SMCO2: variants seen among roughly 807,000 people sequenced by gnomAD.
SMCO2 encodes the protein single-pass membrane and coiled-coil domain-containing protein 2.
SMCO2 carries 25 observed loss-of-function variants against 29.5 expected under a neutral mutation model. That is an observed-to-expected ratio of 0.85 (90% CI 0.62 to 1.18). SMCO2 has a LOEUF of 1.18. Among genes scored for constraint, SMCO2 ranks in the 50% most tolerant of loss-of-function variants. The pLI, the probability that SMCO2 is intolerant of heterozygous loss-of-function variation, is 0.00. For missense variants in SMCO2, 348 were observed against 344.5 expected (o/e 1.01, Z -0.08); for synonymous variants, 117 against 123.3 (o/e 0.95, Z 0.34).
chr12:27,435,298 CCCCCG>C, the SMCO2 span, among the ~76,000 whole-genome samples: 108 of 17,708 alleles, frequency 6.1e-3, 33 homozygotes, highest in Non-Finnish European at 0.021. Flanking sequence ...CCCCCCCCCC[CCCCCG>C]GCAATTGTGA....
rs149233639 is a variant in SMCO2, at chr12:27,481,794, G to A, written c.363-6666G>A. Among the ~76,000 whole-genome samples the A allele has an allele frequency of 2.7e-3, 408 of 152,172 alleles. 1 individual carries two copies. The highest frequency in any genetic ancestry group is 9.2e-3 in the African/African-American group (381 of 41,520). On this transcript the variant is annotated intron_variant, in intron 4 of 7. Coordinates refer to ENST00000298876, the Ensembl canonical transcript of SMCO2. ...CAAAGATATTGACATAAAGTTATCC[G>A]TAACATTCCCTTATTATATGATGTC...
the SMCO2 span, among the ~76,000 whole-genome samples, chr12:27,445,810 A>C: frequency 3.3e-5 from 5 of 152,214 alleles, no homozygotes; most frequent in African/African-American, 1.2e-4. Context: ...ATAGAAGTCC[A>C]AGATCAAGTG....
In SMCO2 at chr12:27,475,750, G is replaced by A. The variant is rs1272157106; in HGVS notation, c.362+837G>A. On this transcript the variant is annotated intron_variant, in intron 4 of 7. Coordinates refer to ENST00000298876, the Ensembl canonical transcript of SMCO2. ...TGAAGAGGTAATTGTAGGGTGTTGG[G>A]GTTGGTCATAAAATAGCAGAAAGTT... 8.8e-6 allele frequency: 13 copies of A among 1,481,022 alleles called. No homozygotes were observed. Among genetic ancestry groups the A allele is most frequent in the Non-Finnish European group, 1.2e-5 (13 of 1,119,196 alleles). 91.7% of individuals were successfully genotyped at this position (1,481,022 alleles called of 1,614,324 possible). A position where few individuals can be genotyped will look rare whatever the true frequency, so the allele number is the denominator to read the frequency against.
intron 4 of SMCO2, among the ~76,000 whole-genome samples, chr12:27,477,210 G>GTTTTTTTT (rs770789669): frequency 9.6e-5 from 6 of 62,640 alleles, no homozygotes; most frequent in Admixed American, 1.8e-4. Context: ...TGGCTGTCAG[G>GTTTTTTTT]TTTTTTTTTT....
At chr12:27,463,014 C>T (rs1457051840), upstream of SMCO2, among the ~76,000 whole-genome samples, 1 of 152,182 alleles carries the variant, frequency 6.6e-6, no homozygotes, top group African/African-American at 2.4e-5. Context: ...ACTACACCAT[C>T]CCTCCTGCTG....
chr12:27,424,307 C>T, the SMCO2 span: 1 of 152,146 alleles, frequency 6.6e-6, no homozygotes, highest in Admixed American at 6.5e-5. Context: ...GATCAAATAA[C>T]AAGTCTCTAT....
chr12:27,465,028 C>CAAAAAAAAAAAAAAAA (rs35630976), upstream of SMCO2, among the ~76,000 whole-genome samples: 2 of 60,558 alleles, frequency 3.3e-5, no homozygotes, highest in Admixed American at 1.9e-4. Context: ...GACCCTGTCT[C>CAAAAAAAAAAAAAAAA]AAAAAAAAAA....
At chr12:27,448,702 C>G in the SMCO2 span, among the ~76,000 whole-genome samples, 1 of 152,108 alleles carries the variant, frequency 6.6e-6, no homozygotes, top group African/African-American at 2.4e-5. Context: ...AAACAAATGA[C>G]CTTTAAGCAG....
intron 4 of SMCO2, among the ~76,000 whole-genome samples, chr12:27,486,457 C>T (rs186894640): frequency 1.1e-4 from 17 of 152,334 alleles, no homozygotes; most frequent in African/African-American, 3.6e-4. Context: ...ACGTTCTGCA[C>T]TGTCTGTTGT....
the SMCO2 span, among the ~76,000 whole-genome samples, chr12:27,447,981 G>A: frequency 1.3e-5 from 2 of 152,170 alleles, no homozygotes; most frequent in South Asian, 2.1e-4. Context: ...GAGCCAAGTG[G>A]CCTGCAAGCT....
At chr12:27,467,284 C>T (rs547247416) in intron 1 of SMCO2, among the ~76,000 whole-genome samples, 1 of 152,122 alleles carries the variant, frequency 6.6e-6, no homozygotes, top group East Asian at 1.9e-4. Flanking sequence ...GGGATTCACT[C>T]CATTTGTACC....
the SMCO2 span, among the ~76,000 whole-genome samples, chr12:27,449,723 C>T: frequency 6.6e-6 from 1 of 152,184 alleles, no homozygotes; most frequent in Non-Finnish European, 1.5e-5. Context: ...CCAATTATGT[C>T]CCACTCCCCT....
At chr12:27,496,064 AGATT>A (rs1184566798) in intron 7 of SMCO2, among the ~76,000 whole-genome samples, 2 of 150,440 alleles carry the variant, frequency 1.3e-5, no homozygotes, top group Admixed American at 6.6e-5. Flanking sequence ...CGATATATAT[AGATT>A]GCTTTCTTAC....
chr12:27,432,176 C>T, the SMCO2 span, among the ~76,000 whole-genome samples: 1 of 152,132 alleles, frequency 6.6e-6, no homozygotes, highest in South Asian at 2.1e-4. Flanking sequence ...CTATCAGATA[C>T]ATGATTTGCA....
chr12:27,497,829 G>A (rs1052153662), intron 7 of SMCO2: 1 of 243,254 alleles, frequency 4.1e-6, no homozygotes, highest in Non-Finnish European at 8.1e-6. Flanking sequence ...AGAAGATATG[G>A]TTATCTCTGG....
At chr12:27,487,181 A>T (rs1243348062) in intron 4 of SMCO2, among the ~76,000 whole-genome samples, 2 of 152,198 alleles carry the variant, frequency 1.3e-5, no homozygotes, top group African/African-American at 4.8e-5. Flanking sequence ...TCCTCAACTG[A>T]ATCATTGCAT....
At chr12:27,477,943 C>T (rs410374) in intron 4 of SMCO2, among the ~76,000 whole-genome samples, 17,499 of 152,070 alleles carry the variant, frequency 0.12, 1,945 homozygotes, top group East Asian at 0.27. Flanking sequence ...AATTATTGCA[C>T]TCCTTTGGAG....
intron 7 of SMCO2, chr12:27,497,888 C>G (rs1943030690): frequency 2.9e-6 from 1 of 346,586 alleles, no homozygotes; most frequent in Non-Finnish European, 5.6e-6. Context: ...TGCTGCTGCT[C>G]AAAAGATTGG....
chr12:27,495,341 T>A (rs1410765604), intron 6 of SMCO2, among the ~76,000 whole-genome samples: 1 of 150,826 alleles, frequency 6.6e-6, no homozygotes, highest in Non-Finnish European at 1.5e-5. Flanking sequence ...TCCTAGAACC[T>A]GTTAGCAGTA....
Sources: gnomAD v4.1 joint callset for allele counts (sites outside exome capture counted in the v4.1 genomes callset) on GRCh38, gnomAD v4.1.1 for gene constraint, MANE v1.5 for transcripts, NCBI Gene and HGNC (gene_info 2026-07-23, HGNC 2026-07-21) for gene names.